Variants in HAPLN2 observed in about 807,000 individuals in gnomAD.
The protein encoded by HAPLN2 is brain link protein-1.
Under a neutral mutation model 29.3 loss-of-function variants are expected in HAPLN2, and 27 were observed. The ratio of observed to expected loss-of-function variants is 0.92; its 90% CI spans 0.68 to 1.27. HAPLN2 has a LOEUF of 1.27. Among genes scored for constraint, HAPLN2 ranks in the 50% most tolerant of loss-of-function variants. HAPLN2 has a pLI of 0.00. For missense variants in HAPLN2, 454 were observed against 484.3 expected (o/e 0.94, Z 0.59); for synonymous variants, 208 against 211.7 (o/e 0.98, Z 0.15).
chr1:156,623,417 C>A, intron 2 of HAPLN2, 50 bp from the exon 3 acceptor site: 1 of 1,506,880 alleles, frequency 6.6e-7, no homozygotes, highest in Non-Finnish European at 9.1e-7. Flanking sequence ...CTGCTCTTCC[C>A]CACCCTTTTG....
chr1:156,623,698 G>C (rs1678332580), intron 3 of HAPLN2, 109 bp from the exon 4 acceptor site: 7 of 1,521,258 alleles, frequency 4.6e-6, no homozygotes, highest in Admixed American at 2.0e-5. Flanking sequence ...GAAGGCAATG[G>C]AGGAGAGGGT....
chr1:156,604,678 A>G, the HAPLN2 span, among the ~76,000 whole-genome samples: 9 of 152,370 alleles, frequency 5.9e-5, no homozygotes, highest in African/African-American at 2.2e-4. Flanking sequence ...GAACCTATCT[A>G]TGTTAAAAAT....
Position 156,624,229 on chromosome 1 carries a change from C to T in HAPLN2, c.439+69C>T, listed in dbSNP as rs1324274245. 10 of 1,524,978 alleles carry T rather than the reference C, an allele frequency of 6.6e-6. No individual in the cohort carries two copies. In the East Asian group the frequency reaches 1.4e-4, roughly 22 times the overall value. The allele number at this position is 1,524,978 out of a possible 1,614,324, so 94.5% of individuals were successfully genotyped here. ...TCCGCCTCGCCTGGGTCTCCCAGGGCTCCTTCCCAGTATCTCCTCCGCACC... is the reference window on the plus strand; with the variant it reads ...TCCGCCTCGCCTGGGTCTCCCAGGGTTCCTTCCCAGTATCTCCTCCGCACC... On this transcript the variant is annotated intron_variant, in intron 4 of 6. Transcript: ENST00000255039.
chr1:156,614,902 T>G (rs1678023093), upstream of HAPLN2: 1 of 152,214 alleles, frequency 6.6e-6, no homozygotes, highest in Admixed American at 6.5e-5. Flanking sequence ...TTGGTAACTT[T>G]GCAAACAGCT....
the HAPLN2 span, among the ~76,000 whole-genome samples, chr1:156,609,000 C>T: frequency 2.0e-5 from 3 of 152,154 alleles, no homozygotes; most frequent in Admixed American, 2.0e-4. Flanking sequence ...GAAGGAGGAC[C>T]GTGATGGTAA....
upstream of HAPLN2, among the ~76,000 whole-genome samples, chr1:156,614,373 C>T (rs554936643): frequency 2.6e-5 from 4 of 152,130 alleles, no homozygotes; most frequent in Admixed American, 6.5e-5. Flanking sequence ...CACAGGCACG[C>T]GCCACCACAC....
At chr1:156,605,168 AGGCACGAGGATCGCTT>A in the HAPLN2 span, among the ~76,000 whole-genome samples, 1 of 151,948 alleles carries the variant, frequency 6.6e-6, no homozygotes, top group African/African-American at 2.4e-5. Flanking sequence ...TGGGAGGCTG[AGGCACGAGGATCGCTT>A]GAACCTGGGA....
Position 156,625,591 on chromosome 1 carries a change from T to A in HAPLN2, c.*207T>A, listed in dbSNP as rs1571424403. 27 of 519,740 alleles carry A rather than the reference T, an allele frequency of 5.2e-5. No homozygotes were observed. In the East Asian group the frequency reaches 8.9e-4, roughly 17 times the overall value. The allele number at this position is 519,740 out of a possible 1,614,324, so 32.2% of individuals were successfully genotyped here. ...GGCGGGGGCGCCTCCGGCGGCGAGATGCAGAGGTGACCCTCGGACCCGCTG... is the reference window on the plus strand; with the variant it reads ...GGCGGGGGCGCCTCCGGCGGCGAGAAGCAGAGGTGACCCTCGGACCCGCTG... On this transcript the variant is annotated 3_prime_UTR_variant, in exon 7 of 7. Transcript: ENST00000255039. This position sits in a 1 kb window ranked among gnomAD's most constrained non-coding sequence, Gnocchi z 5.7.
intron 6 of HAPLN2, 26 bp downstream of exon 6, chr1:156,624,809 C>G: frequency 4.1e-6 from 6 of 1,469,522 alleles, no homozygotes; most frequent in Non-Finnish European, 5.4e-6. Context: ...AAGGCAGGGT[C>G]TTGGGGAGGG....
chr1:156,608,549 C>CT, the HAPLN2 span, among the ~76,000 whole-genome samples: 8 of 148,848 alleles, frequency 5.4e-5, no homozygotes, highest in Non-Finnish European at 1.0e-4. Flanking sequence ...CCTTTCCTTA[C>CT]TTTTTTTTTT....
the HAPLN2 span, among the ~76,000 whole-genome samples, chr1:156,614,144 T>G: frequency 6.6e-6 from 1 of 152,232 alleles, no homozygotes; most frequent in African/African-American, 2.4e-5. Context: ...ATCACTTTCC[T>G]GGTCTATAAA....
intron 2 of HAPLN2, among the ~76,000 whole-genome samples, chr1:156,620,795 C>T (rs1240772779): frequency 6.6e-6 from 1 of 152,194 alleles, no homozygotes; most frequent in East Asian, 1.9e-4. Context: ...AAACCATACA[C>T]ACTTATTTAG....
chr1:156,617,844 T>C (rs997106697), upstream of HAPLN2, among the ~76,000 whole-genome samples: 4 of 152,094 alleles, frequency 2.6e-5, no homozygotes, highest in African/African-American at 9.7e-5. Context: ...CAAAAACAAT[T>C]GGGCCTATTC....
At chr1:156,623,160 G>C (rs1453004457) in intron 2 of HAPLN2, among the ~76,000 whole-genome samples, 1 of 152,012 alleles carries the variant, frequency 6.6e-6, no homozygotes, top group Non-Finnish European at 1.5e-5. Flanking sequence ...GGATAGAGAC[G>C]AGCTGGCAGT....
chr1:156,625,293 G>GCGGGGGGCTCCCGGATCC lies in HAPLN2; in HGVS notation c.936_953dup (p.Gly313_Gly318dup). ...CCAATCACCACGCCGAGGCCGCGCT[G>GCGGGGGGCTCCCGGATCC]CGGGGGGCTCCCGGATCCCGGAGTG... On this transcript the variant is annotated inframe_insertion, in exon 7 of 7. Coordinates refer to ENST00000255039, the MANE Select transcript of HAPLN2 (RefSeq NM_021817.3). The surrounding 1 kb of genome is among the most constrained non-coding windows in gnomAD (Gnocchi z 5.7). 1 of 1,579,552 alleles carries GCGGGGGGCTCCCGGATCC rather than the reference G, an allele frequency of 6.3e-7. No individual in the cohort carries two copies. Among genetic ancestry groups the GCGGGGGGCTCCCGGATCC allele is most frequent in the Non-Finnish European group, 8.6e-7 (1 of 1,163,702 alleles).
At chr1:156,612,476 A>G in the HAPLN2 span, among the ~76,000 whole-genome samples, 2 of 151,138 alleles carry the variant, frequency 1.3e-5, no homozygotes, top group African/African-American at 2.4e-5. Context: ...GCAGCTTTAA[A>G]CTCCTGGGTT....
At chr1:156,612,270 C>T in the HAPLN2 span, among the ~76,000 whole-genome samples, 10 of 152,276 alleles carry the variant, frequency 6.6e-5, no homozygotes, top group Non-Finnish European at 5.9e-5. Context: ...GTGATCCACC[C>T]GCTTCTGCCT....
At chr1:156,601,741 T>C in the HAPLN2 span, among the ~76,000 whole-genome samples, 11 of 152,162 alleles carry the variant, frequency 7.2e-5, no homozygotes, top group East Asian at 2.1e-3. Flanking sequence ...TACACTGAGC[T>C]AGTCCCGGGC....
At chr1:156,617,425 A>G (rs1678085758), upstream of HAPLN2, among the ~76,000 whole-genome samples, 3 of 144,792 alleles carry the variant, frequency 2.1e-5, no homozygotes, top group South Asian at 6.5e-4. Flanking sequence ...ATCTCAGCTC[A>G]CTGCAACCTC....
Sources: gnomAD v4.1 joint callset for allele counts (sites outside exome capture counted in the v4.1 genomes callset) on GRCh38, gnomAD v4.1.1 for gene constraint, Gnocchi (gnomAD v3.1) non-coding constraint, MANE v1.5 for transcripts, NCBI Gene and HGNC (gene_info 2026-07-23, HGNC 2026-07-21) for gene names.